The following TRAP1 variants were observed in gnomAD, a reference collection of about 807,000 sequenced individuals.
TRAP1 encodes heat shock protein 75 kDa, mitochondrial.
A neutral mutation model predicts 89.1 loss-of-function variants in TRAP1; 102 were observed. The ratio of observed to expected loss-of-function variants is 1.15; its 90% confidence interval spans 0.98 to 1.35. TRAP1 has a LOEUF of 1.35. TRAP1 is among the 40% of genes most tolerant of loss of function. The probability of loss-of-function intolerance (pLI) is 0.00; values close to 1 mark genes in which losing one functional copy is unlikely to be tolerated. For synonymous variants in TRAP1, 508 were observed against 388.0 expected (o/e 1.31, Z -3.64); for missense variants, 1,256 against 945.3 (o/e 1.33, Z -4.31).
intron 1 of TRAP1, among the ~76,000 whole-genome samples, chr16:3,714,775 T>C (rs570371546): frequency 1.3e-5 from 2 of 152,124 alleles, no homozygotes; most frequent in Non-Finnish European, 1.5e-5. Context: ...CAGCGTAGCA[T>C]GGGCGAGAGG....
chr16:3,682,572 C>T (rs1381337901), intron 4 of TRAP1, among the ~76,000 whole-genome samples: 16 of 152,062 alleles, frequency 1.1e-4, no homozygotes, highest in Admixed American at 1.0e-3. Flanking sequence ...TTTGTATTTT[C>T]AGCAGAGACA....
At chr16:3,671,933 C>T (rs1419995464) in intron 10 of TRAP1, 142 bp from the exon 11 acceptor site, 6 of 861,782 alleles carry the variant, frequency 7.0e-6, no homozygotes, top group East Asian at 2.6e-5. Flanking sequence ...GCGGCACTGC[C>T]GGAGCTTCCT....
chr16:3,685,051 C>G (rs1184262838), intron 4 of TRAP1, among the ~76,000 whole-genome samples: 1 of 152,208 alleles, frequency 6.6e-6, no homozygotes, highest in Non-Finnish European at 1.5e-5. Flanking sequence ...ATCATGTCCC[C>G]ATGACCCCTT....
At chr16:3,662,642 T>C in intron 15 of TRAP1, 1 of 675,312 alleles carries the variant, frequency 1.5e-6, no homozygotes, top group Non-Finnish European at 2.7e-6. Context: ...TGCTGGTTTT[T>C]CAGTTCTCAG....
intron 16 of TRAP1, chr16:3,660,538 A>C (rs574809144): frequency 6.6e-6 from 1 of 152,196 alleles, no homozygotes; most frequent in Admixed American, 6.5e-5. Flanking sequence ...CTAGTTTGCC[A>C]CCAAAACTAG....
chr16:3,672,933 C>G, intron 9 of TRAP1, 113 bp from the exon 10 acceptor site: 11 of 1,415,160 alleles, frequency 7.8e-6, no homozygotes, highest in Non-Finnish European at 1.0e-5. Context: ...CCTCGCCCTC[C>G]CCCAGCGTCT....
intron 1 of TRAP1, among the ~76,000 whole-genome samples, chr16:3,713,865 C>A (rs2051563616): frequency 6.6e-6 from 1 of 152,222 alleles, no homozygotes; most frequent in South Asian, 2.1e-4. Context: ...CGTGGCTGGG[C>A]TCCCCACACA....
At chr16:3,706,674 T>G (rs1357262245) in intron 1 of TRAP1, among the ~76,000 whole-genome samples, 1 of 152,048 alleles carries the variant, frequency 6.6e-6, no homozygotes. Context: ...TTGTCCAGGC[T>G]GGCATTCAAC....
intron 1 of TRAP1, among the ~76,000 whole-genome samples, chr16:3,710,857 G>GTATATATATA (rs377592883): frequency 1.5e-5 from 2 of 135,658 alleles, no homozygotes; most frequent in South Asian, 4.5e-4. Context: ...ATGTGTGTGT[G>GTATATATATA]TATATATATA....
chr16:3,668,693 G>A (rs2050870203), intron 11 of TRAP1, among the ~76,000 whole-genome samples: 2 of 152,184 alleles, frequency 1.3e-5, no homozygotes. Context: ...CCCCTGCTCT[G>A]CAGCTTCGGG....
At chr16:3,683,773 G>T (rs1353176269) in intron 4 of TRAP1, among the ~76,000 whole-genome samples, 2 of 146,944 alleles carry the variant, frequency 1.4e-5, no homozygotes, top group East Asian at 2.0e-4. Context: ...ATTGAAATCT[G>T]TTCTAAAATA....
intron 1 of TRAP1, among the ~76,000 whole-genome samples, chr16:3,714,775 T>G (rs570371546): frequency 6.6e-6 from 1 of 152,124 alleles, no homozygotes; most frequent in Non-Finnish European, 1.5e-5. Flanking sequence ...CAGCGTAGCA[T>G]GGGCGAGAGG....
Position 3,676,111 on chromosome 16 carries a change from C to A in TRAP1, c.739G>T (p.Val247Phe). Residue 247 changes from valine (V) to phenylalanine (F), a missense_variant, in exon 7 of 18, where the codon GTT (valine) becomes TTT (phenylalanine). Physicochemically the swap from Val to Phe is conservative, Grantham distance 50 (BLOSUM62 -1). Coordinates refer to ENST00000246957, the MANE Select transcript of TRAP1 (RefSeq NM_016292.3). The part of the protein sequence containing the change: ...GVFEIAEASG[V>F]RTGTKIIIHL... Reference sequence around the variant, plus strand: ...ATGATGATTTTTGTCCCGGTTCTAACTCCCGAAGCTTCGGCGATTTCAAAC... The same window carrying A: ...ATGATGATTTTTGTCCCGGTTCTAAATCCCGAAGCTTCGGCGATTTCAAAC... The A allele has an allele frequency of 6.2e-7, 1 of 1,613,998 alleles. No homozygotes were observed. Among genetic ancestry groups the A allele is most frequent in the South Asian group, 1.1e-5 (1 of 91,032 alleles).
intron 3 of TRAP1, among the ~76,000 whole-genome samples, 188 bp downstream of exon 3, chr16:3,688,866 AC>A (rs1276641689): frequency 6.6e-6 from 1 of 152,176 alleles, no homozygotes; most frequent in Non-Finnish European, 1.5e-5. Context: ...ATCTGGATAC[AC>A]TTATCCAGGA....
intron 1 of TRAP1, among the ~76,000 whole-genome samples, chr16:3,707,370 A>G (rs2051462993): frequency 6.6e-6 from 1 of 151,220 alleles, no homozygotes; most frequent in African/African-American, 2.4e-5. Flanking sequence ...TATTTTTAGT[A>G]GAGACGGGGT....
intron 2 of TRAP1, 105 bp from the exon 3 acceptor site, chr16:3,689,242 C>CTTT (rs34759526): frequency 8.3e-4 from 354 of 425,554 alleles, no homozygotes; most frequent in South Asian, 1.2e-3. Context: ...GAGTTTTAAA[C>CTTT]TTTTTTTTTT....
At chr16:3,658,308 A>C (rs1596666837) in intron 17 of TRAP1, 78 bp from the exon 18 acceptor site, 1 of 1,202,046 alleles carries the variant, frequency 8.3e-7, no homozygotes, top group Non-Finnish European at 1.2e-6. Flanking sequence ...ACAGAGTCTC[A>C]CTGTTGCCGA....
At chr16:3,712,699 C>A (rs1488769915) in intron 1 of TRAP1, among the ~76,000 whole-genome samples, 1 of 152,178 alleles carries the variant, frequency 6.6e-6, no homozygotes, top group East Asian at 1.9e-4. Context: ...CCTCCAACCT[C>A]CACCTCCCAG....
chr16:3,675,719 A>C (rs960117332), intron 7 of TRAP1, among the ~76,000 whole-genome samples: 6 of 152,162 alleles, frequency 3.9e-5, no homozygotes, highest in Non-Finnish European at 7.4e-5. Flanking sequence ...AGCAGGACAC[A>C]AAGAGGGAAG....
Sources: allele counts gnomAD v4.1 joint callset (sites outside exome capture counted in the v4.1 genomes callset), GRCh38; gene constraint gnomAD v4.1.1; transcripts MANE v1.5; gene names NCBI Gene and HGNC (gene_info 2026-07-23, HGNC 2026-07-21).